C12orf42: variants seen among roughly 807,000 people sequenced by gnomAD.
C12orf42 encodes the protein chromosome 12 open reading frame 42.
In C12orf42, 25 loss-of-function variants were observed where a neutral mutation model predicts 21.6. That is an observed-to-expected ratio of 1.16 (90% CI 0.84 to 1.62). The LOEUF is 1.62. Ranked by LOEUF, C12orf42 falls within the 40% of genes most tolerant of loss-of-function variation. The pLI is 0.00. For missense variants in C12orf42, 483 were observed against 459.3 expected (o/e 1.05, Z -0.47); for synonymous variants, 174 against 175.0 (o/e 0.99, Z 0.05).
chr12:103,084,980 C>T, the C12orf42 span, among the ~76,000 whole-genome samples: 5 of 152,114 alleles, frequency 3.3e-5, no homozygotes, highest in African/African-American at 1.2e-4. Flanking sequence ...AAATAATAAA[C>T]AAATGCTACT....
chr12:103,204,576 T>G, the C12orf42 span, among the ~76,000 whole-genome samples: 1 of 152,230 alleles, frequency 6.6e-6, no homozygotes, highest in Non-Finnish European at 1.5e-5. Context: ...AAGGTAAATT[T>G]ATCTTGCAAA....
intron 4 of C12orf42, among the ~76,000 whole-genome samples, chr12:103,284,293 T>TGATAATCCTTGTATTGA (rs1187927641): frequency 3.9e-5 from 6 of 152,174 alleles, no homozygotes. Flanking sequence ...CCTCCATTGA[T>TGATAATCCTTGTATTGA]GATAATCCTT....
chr12:103,229,123 T>C, the C12orf42 span, among the ~76,000 whole-genome samples: 1 of 152,230 alleles, frequency 6.6e-6, no homozygotes, highest in Non-Finnish European at 1.5e-5. Flanking sequence ...CCTCTTCTTC[T>C]TTCTCACTGG....
the C12orf42 span, among the ~76,000 whole-genome samples, chr12:103,066,098 G>T: frequency 6.6e-6 from 1 of 152,304 alleles, no homozygotes; most frequent in East Asian, 1.9e-4. Flanking sequence ...GCAAGGCCCT[G>T]TCATCTTCTG....
At chr12:103,362,229 G>A (rs1336577609) in intron 4 of C12orf42, among the ~76,000 whole-genome samples, 2 of 152,134 alleles carry the variant, frequency 1.3e-5, no homozygotes, top group Admixed American at 1.3e-4. Context: ...TGGTAGCCCT[G>A]CTGGGTGGCT....
chr12:103,123,889 G>C, the C12orf42 span, among the ~76,000 whole-genome samples: 2 of 151,734 alleles, frequency 1.3e-5, no homozygotes, highest in Non-Finnish European at 2.9e-5. Context: ...CATTTCTATT[G>C]GGTAGGACTG....
At chr12:103,377,820 GC>G (rs969822153) in intron 3 of C12orf42, among the ~76,000 whole-genome samples, 42 of 152,160 alleles carry the variant, frequency 2.8e-4, no homozygotes, top group African/African-American at 9.9e-4. Context: ...TCCTCATCAG[GC>G]CCCTGTGTAG....
At position 103,400,527 on chromosome 12, in the gene C12orf42, T is replaced by A. The variant is rs75823880; in HGVS notation, c.147+1080A>T. ...CTTAACGTCCAAATGGACATATAAC[T>A]AATGAAACACCATATTGCAGGTGCC... On this transcript the variant is annotated intron_variant, in intron 3 of 5. Coordinates refer to ENST00000548883, the MANE Select transcript of C12orf42 (RefSeq NM_198521.5). Among the ~76,000 whole-genome samples, 1,509 of 152,300 alleles carry A rather than the reference T, an allele frequency of 9.9e-3. 127 individuals carry two copies. The East Asian group carries it at 0.2, about 20-fold the overall frequency.
chr12:103,222,955 C>T, the C12orf42 span, among the ~76,000 whole-genome samples: 1 of 151,558 alleles, frequency 6.6e-6, no homozygotes, highest in African/African-American at 2.4e-5. Context: ...CAGTCTCTTC[C>T]TCTTCACTGG....
the C12orf42 span, among the ~76,000 whole-genome samples, chr12:103,222,104 C>T: frequency 3.6e-4 from 55 of 152,112 alleles, no homozygotes; most frequent in Non-Finnish European, 6.6e-4. Flanking sequence ...TAATCAGCAG[C>T]CACCATGTTT....
the C12orf42 span, among the ~76,000 whole-genome samples, chr12:103,219,280 A>C: frequency 6.6e-6 from 1 of 152,202 alleles, no homozygotes; most frequent in Non-Finnish European, 1.5e-5. Flanking sequence ...TAAAGACTTA[A>C]ACATAAGAAC....
chr12:103,506,849 A>T, the C12orf42 span, among the ~76,000 whole-genome samples: 2,384 of 66,482 alleles, frequency 0.036, 274 homozygotes, highest in African/African-American at 0.13. Flanking sequence ...ATATATATAT[A>T]TTTATATATT....
the C12orf42 span, among the ~76,000 whole-genome samples, chr12:103,524,037 T>C: frequency 1.3e-5 from 2 of 152,038 alleles, no homozygotes; most frequent in Non-Finnish European, 2.9e-5. Flanking sequence ...CCTGGAAAAA[T>C]TTCCCTTCTG....
At chr12:103,116,381 AATAT>A in the C12orf42 span, among the ~76,000 whole-genome samples, 41 of 136,670 alleles carry the variant, frequency 3.0e-4, no homozygotes, top group East Asian at 8.3e-4. Context: ...AAAAAAAAAA[AATAT>A]ATATATATAT....
chr12:103,182,350 A>G, the C12orf42 span, among the ~76,000 whole-genome samples: 1 of 152,214 alleles, frequency 6.6e-6, no homozygotes, highest in South Asian at 2.1e-4. Context: ...CTGAGAACGG[A>G]TTAGTTATCT....
chr12:103,153,646 A>G, the C12orf42 span, among the ~76,000 whole-genome samples: 2 of 152,142 alleles, frequency 1.3e-5, no homozygotes, highest in Non-Finnish European at 2.9e-5. Context: ...GACCAAAATA[A>G]AAAAGACAGA....
At chr12:103,078,894 C>T in the C12orf42 span, among the ~76,000 whole-genome samples, 2,970 of 152,208 alleles carry the variant, frequency 0.02, 43 homozygotes, top group Non-Finnish European at 0.032. Context: ...CTTTATTTGA[C>T]GTCTTATACT....
the C12orf42 span, among the ~76,000 whole-genome samples, chr12:103,106,480 A>T: frequency 3.3e-5 from 5 of 152,108 alleles, no homozygotes; most frequent in African/African-American, 1.2e-4. Flanking sequence ...TGTTTAAAAA[A>T]ATATGGAATT....
intron 2 of C12orf42, among the ~76,000 whole-genome samples, chr12:103,477,279 A>G (rs538234348): frequency 1.3e-5 from 2 of 152,198 alleles, no homozygotes; most frequent in South Asian, 4.2e-4. Context: ...AGAGATATGA[A>G]CAAAGTATTG....
Sources: gnomAD v4.1 joint callset for allele counts (sites outside exome capture counted in the v4.1 genomes callset) on GRCh38, gnomAD v4.1.1 for gene constraint, MANE v1.5 for transcripts, NCBI Gene and HGNC (gene_info 2026-07-23, HGNC 2026-07-21) for gene names.